The following TBC1D19 variants were observed in gnomAD, a reference collection of about 807,000 sequenced individuals.
The protein encoded by TBC1D19 is TBC1 domain family member 19.
In TBC1D19, 60 loss-of-function variants were observed where a neutral mutation model predicts 89.0. The ratio of observed to expected loss-of-function variants is 0.67; its 90% CI spans 0.55 to 0.84. TBC1D19 has a LOEUF of 0.84. Ranked by LOEUF, TBC1D19 falls within the 40% of genes least tolerant of loss-of-function variation. The pLI is 0.00. For missense variants in TBC1D19, 500 were observed against 610.8 expected, an observed-to-expected ratio of 0.82 and a Z score of 1.91; for synonymous variants, 189 against 199.7, an observed-to-expected ratio of 0.95 and a Z score of 0.45.
the TBC1D19 span, among the ~76,000 whole-genome samples, chr4:26,800,635 G>A: frequency 1.3e-5 from 2 of 152,268 alleles, no homozygotes; most frequent in South Asian, 4.1e-4. Flanking sequence ...GTGTAAAAGT[G>A]TTCCTATTTC....
At chr4:26,615,884 A>G (rs1443622899) in intron 3 of TBC1D19, among the ~76,000 whole-genome samples, 1 of 152,158 alleles carries the variant, frequency 6.6e-6, no homozygotes, top group Non-Finnish European at 1.5e-5. Context: ...GTATAATTCC[A>G]AACACTGGAT....
the TBC1D19 span, among the ~76,000 whole-genome samples, chr4:26,780,804 C>T: frequency 6.6e-6 from 1 of 152,122 alleles, no homozygotes; most frequent in African/African-American, 2.4e-5. Flanking sequence ...GAGTCATTGG[C>T]CTAGTAAAAC....
intron 1 of TBC1D19, among the ~76,000 whole-genome samples, chr4:26,589,940 G>A (rs1233772694): frequency 6.6e-6 from 1 of 152,172 alleles, no homozygotes; most frequent in Non-Finnish European, 1.5e-5. Flanking sequence ...GCTCTTTGTA[G>A]ATTTCTGCTC....
chr4:26,686,022 G>A (rs999698795), intron 12 of TBC1D19, among the ~76,000 whole-genome samples: 4 of 152,118 alleles, frequency 2.6e-5, no homozygotes, highest in South Asian at 2.1e-4. Flanking sequence ...TGTGCGCAAC[G>A]TGAATGTTTT....
At chr4:26,716,392 A>G (rs1716609946) in intron 13 of TBC1D19, among the ~76,000 whole-genome samples, 2 of 152,136 alleles carry the variant, frequency 1.3e-5, no homozygotes, top group South Asian at 4.1e-4. Context: ...GTAAATAAAG[A>G]AAATGTGGGA....
chr4:26,838,489 T>TA, the TBC1D19 span, among the ~76,000 whole-genome samples: 4 of 151,072 alleles, frequency 2.6e-5, no homozygotes, highest in Admixed American at 6.6e-5. Flanking sequence ...TTTCTCCCTT[T>TA]AAAAAAAAAG....
intron 15 of TBC1D19, among the ~76,000 whole-genome samples, chr4:26,727,998 T>TA (rs1238785262): frequency 2.6e-5 from 4 of 152,218 alleles, no homozygotes; most frequent in Admixed American, 2.6e-4. Flanking sequence ...GGAAATGTAG[T>TA]AAAAGTGGTT....
chr4:26,689,225 A>C (rs1003050106), intron 13 of TBC1D19, among the ~76,000 whole-genome samples: 1 of 152,132 alleles, frequency 6.6e-6, no homozygotes, highest in Non-Finnish European at 1.5e-5. Flanking sequence ...TTAAAATTTT[A>C]AATAACCCCA....
At chr4:26,765,706 C>A in the TBC1D19 span, among the ~76,000 whole-genome samples, 2 of 152,096 alleles carry the variant, frequency 1.3e-5, no homozygotes, top group South Asian at 2.1e-4. Flanking sequence ...ATGGTCTAAT[C>A]AAAGTCAGCT....
intron 13 of TBC1D19, among the ~76,000 whole-genome samples, chr4:26,714,273 T>A (rs554418341): frequency 3.3e-5 from 5 of 152,200 alleles, no homozygotes; most frequent in African/African-American, 7.2e-5. Flanking sequence ...TCTTTTTTTT[T>A]ATTATACTTT....
rs531594621 is a variant in TBC1D19 at position 26,695,777 on chromosome 4, G to T, written c.954+7370G>T. On this transcript the variant is annotated intron_variant, in intron 13 of 20. Transcript: ENST00000264866. Reference sequence around the variant, plus strand: ...CAAACAAAGCTTTGTAAATGAAGGAGAAATAAAATCCTTTACATACAAGCA... The same window carrying T: ...CAAACAAAGCTTTGTAAATGAAGGATAAATAAAATCCTTTACATACAAGCA... Among the ~76,000 whole-genome samples the T allele has an allele frequency of 2.6e-5, 4 of 152,228 alleles. No individual in the cohort carries two copies. In the South Asian group the frequency reaches 8.3e-4, roughly 32 times the overall value.
chr4:26,628,681 G>A (rs1020846880), intron 4 of TBC1D19, among the ~76,000 whole-genome samples: 7 of 151,902 alleles, frequency 4.6e-5, no homozygotes, highest in East Asian at 1.9e-4. Context: ...CAAAATCAAC[G>A]TACAAAAATC....
the TBC1D19 span, among the ~76,000 whole-genome samples, chr4:26,767,141 GCCTGGGTGA>G: frequency 1.3e-5 from 2 of 152,070 alleles, no homozygotes; most frequent in African/African-American, 4.8e-5. Flanking sequence ...CTGTACCCCA[GCCTGGGTGA>G]CAGAGTGAGA....
chr4:26,662,102 C>T (rs531138607), intron 8 of TBC1D19, among the ~76,000 whole-genome samples: 1 of 152,186 alleles, frequency 6.6e-6, no homozygotes, highest in African/African-American at 2.4e-5. Flanking sequence ...GGGGACATTT[C>T]TCTTAGAATT....
At chr4:26,775,867 T>A in the TBC1D19 span, among the ~76,000 whole-genome samples, 7 of 152,190 alleles carry the variant, frequency 4.6e-5, no homozygotes, top group Non-Finnish European at 1.0e-4. Context: ...AGTTTTTTTT[T>A]AATATCATTG....
chr4:26,739,995 G>A (rs1718261603), intron 17 of TBC1D19, 22 bp downstream of exon 17: 1 of 1,455,058 alleles, frequency 6.9e-7, no homozygotes, highest in African/African-American at 1.4e-5. Flanking sequence ...AGAAAAACTT[G>A]ATCAAATTAG....
chr4:26,719,956 T>G, intron 14 of TBC1D19, 125 bp from the exon 15 acceptor site: 3 of 635,838 alleles, frequency 4.7e-6, no homozygotes, highest in African/African-American at 1.9e-5. Context: ...TTTCATATCA[T>G]GAAATGACAT....
At chr4:26,578,939 A>T (rs1157636201) in intron 1 of TBC1D19, among the ~76,000 whole-genome samples, 2 of 152,268 alleles carry the variant, frequency 1.3e-5, no homozygotes, top group Admixed American at 1.3e-4. Flanking sequence ...CAAGTCATCA[A>T]TTTTTGTCTT....
At chr4:26,709,422 A>T (rs558143198) in intron 13 of TBC1D19, among the ~76,000 whole-genome samples, 11 of 152,194 alleles carry the variant, frequency 7.2e-5, no homozygotes, top group Admixed American at 2.6e-4. Context: ...GGGGCTTGCA[A>T]CAATCAAGGG....
Sources: allele counts gnomAD v4.1 joint callset (sites outside exome capture counted in the v4.1 genomes callset), GRCh38; gene constraint gnomAD v4.1.1; transcripts MANE v1.5; gene names NCBI Gene and HGNC (gene_info 2026-07-23, HGNC 2026-07-21).